Variants in CCS observed in about 807,000 individuals in gnomAD.
The protein encoded by CCS is copper chaperone for superoxide dismutase.
In CCS, 32 loss-of-function variants were observed where a neutral mutation model predicts 35.5. That is an observed-to-expected ratio of 0.90 (90% confidence interval 0.68 to 1.21). The LOEUF (loss-of-function observed/expected upper bound fraction) is 1.21, where lower values mean the gene tolerates loss of function less well. CCS is among the 50% of genes most tolerant of loss of function. The pLI is 0.00. For synonymous variants in CCS, 130 were observed against 147.2 expected (o/e 0.88, Z 0.84); for missense variants, 342 against 375.4 (o/e 0.91, Z 0.73).
At chr11:66,596,123 G>T (rs562381004) in intron 2 of CCS, among the ~76,000 whole-genome samples, 3 of 150,460 alleles carry the variant, frequency 2.0e-5, no homozygotes, top group African/African-American at 7.3e-5. Flanking sequence ...GCTGGAGTGC[G>T]GTGGCACCAT....
In CCS at chr11:66,599,447, AAT is replaced by A; in HGVS notation, c.251-10_251-9del. The A allele has an allele frequency of 6.6e-7, 1 of 1,526,394 alleles. No individual in the cohort carries two copies. The highest frequency in any genetic ancestry group is 1.4e-5 in the African/African-American group (1 of 71,594). The allele number at this position is 1,526,394 out of a possible 1,614,324, so 94.6% of individuals were successfully genotyped here. A position where few individuals can be genotyped will look rare whatever the true frequency, so the allele number is the denominator to read the frequency against. ...AGGTGGCAAGCCAGCCCAAGTGTCTAATACCTTGCAGAGAATCTGGGGGCAGC... is the reference window on the plus strand; with the variant it reads ...AGGTGGCAAGCCAGCCCAAGTGTCTAACCTTGCAGAGAATCTGGGGGCAGC... On this transcript the variant is annotated splice_polypyrimidine_tract_variant and intron_variant, in intron 3 of 7. Transcript: ENST00000533244.
At chr11:66,594,794 AC>A (rs1162839171) in intron 2 of CCS, among the ~76,000 whole-genome samples, 10 of 151,432 alleles carry the variant, frequency 6.6e-5, no homozygotes, top group East Asian at 2.0e-4. Context: ...AAAAAAAAAA[AC>A]AAGTTCACCC....
At chr11:66,595,185 C>CA (rs1358425527) in intron 2 of CCS, among the ~76,000 whole-genome samples, 3 of 151,890 alleles carry the variant, frequency 2.0e-5, no homozygotes, top group Non-Finnish European at 2.9e-5. Flanking sequence ...CGAGTTAATA[C>CA]AAAAAAAGCA....
intron 5 of CCS, among the ~76,000 whole-genome samples, chr11:66,602,976 C>T (rs1348000813): frequency 6.6e-6 from 1 of 152,250 alleles, no homozygotes; most frequent in Non-Finnish European, 1.5e-5. Context: ...CCTAACTGAT[C>T]TCTAAGCTCC....
chr11:66,600,191 G>C (rs1013977818), intron 4 of CCS: 1 of 285,030 alleles, frequency 3.5e-6, no homozygotes, highest in African/African-American at 2.2e-5. Context: ...TACTGCCTCT[G>C]AGATGGAAGG....
chr11:66,596,480 T>G (rs955335918), intron 2 of CCS, among the ~76,000 whole-genome samples: 1 of 151,570 alleles, frequency 6.6e-6, no homozygotes, highest in Admixed American at 6.6e-5. Flanking sequence ...CCCGGGTTCA[T>G]GCCATTCTCC....
rs1858420564 is a variant in CCS, at chr11:66,593,576, G to A, written c.40-66G>A. ...CCCTTGCGGTGGTCATAGGGTAGGT[G>A]GTGAAACAAAGTCATACCAAGGCAC... On this transcript the variant is annotated intron_variant, in intron 1 of 7. Transcript: ENST00000533244. 1.1e-5 allele frequency: 17 copies of A among 1,530,136 alleles called. No individual in the cohort carries two copies. The South Asian group carries it at 1.7e-4, about 16-fold the overall frequency. 94.8% of individuals were successfully genotyped at this position (1,530,136 alleles called of 1,614,324 possible).
chr11:66,598,052 C>T (rs1858508378), intron 2 of CCS, among the ~76,000 whole-genome samples: 1 of 151,846 alleles, frequency 6.6e-6, no homozygotes, highest in Admixed American at 6.6e-5. Flanking sequence ...CCATTACACT[C>T]CAGCCTGGGT....
intron 4 of CCS, 128 bp downstream of exon 4, chr11:66,599,764 G>A: frequency 6.7e-6 from 6 of 900,568 alleles, no homozygotes; most frequent in Non-Finnish European, 8.4e-6. Flanking sequence ...GGCTCACAGA[G>A]GTTAAATGAC....
intron 4 of CCS, 81 bp downstream of exon 4, chr11:66,599,717 C>A (rs1739727958): frequency 3.0e-6 from 4 of 1,323,874 alleles, no homozygotes; most frequent in Admixed American, 2.3e-5. Context: ...CTGTGAGGCA[C>A]ATACACACAG....
chr11:66,604,243 A>ACAAGC (rs1858617577), intron 5 of CCS, among the ~76,000 whole-genome samples: 1 of 152,014 alleles, frequency 6.6e-6, no homozygotes, highest in Non-Finnish European at 1.5e-5. Context: ...ACAAAACAAA[A>ACAAGC]CAAGCAAAAA....
chr11:66,600,525 T>C lies in CCS; in HGVS notation c.465T>C (p.His155=). The change falls in exon 5 of 8, where the codon CAT becomes CAC. Residue 155 remains histidine (H), a synonymous_variant. Transcript: ENST00000533244. The part of the protein sequence containing the change: ...GNHFNPDGAS[H]GGPQDSDRHR... ...ACTTTAACCCTGATGGAGCATCTCA[T>C]GGGGGCCCCCAGGACTCTGACCGGG... The C allele has an allele frequency of 1.1e-5, 17 of 1,534,872 alleles. No individual in the cohort carries two copies. The highest frequency in any genetic ancestry group is 1.4e-5 in the Non-Finnish European group (16 of 1,135,898).
rs376005966 is a variant in CCS, at chr11:66,593,199, C to T, written c.-63C>T. On this transcript the variant is annotated 5_prime_UTR_variant, in exon 1 of 8. Coordinates refer to ENST00000533244, the MANE Select transcript of CCS (RefSeq NM_005125.2). The stretch of plus-strand genomic sequence containing the variant: ...TTTAGAGGCTCAGTCCCCGCGACGC[C>T]GCGCTGGTTGGTGCTCCTGCGCCGG... The T allele has an allele frequency of 8.5e-6, 13 of 1,531,002 alleles. No individual in the cohort carries two copies. The East Asian group carries it at 2.9e-4, about 35-fold the overall frequency. The allele number at this position is 1,531,002 out of a possible 1,614,324, so 94.8% of individuals were successfully genotyped here. A position where few individuals can be genotyped will look rare whatever the true frequency, so the allele number is the denominator to read the frequency against.
At chr11:66,603,243 G>T (rs1237884467) in intron 5 of CCS, among the ~76,000 whole-genome samples, 2 of 152,238 alleles carry the variant, frequency 1.3e-5, no homozygotes, top group African/African-American at 4.8e-5. Flanking sequence ...GCTGGGTCAT[G>T]CCTCCAGCCA....
At chr11:66,595,552 G>C (rs1175691413) in intron 2 of CCS, among the ~76,000 whole-genome samples, 1 of 152,142 alleles carries the variant, frequency 6.6e-6, no homozygotes. Context: ...CACACACAGA[G>C]AAAGAGAGTT....
At position 66,605,336 on chromosome 11, in the gene CCS, C is replaced by T; in HGVS notation, c.490-3C>T. ...CCTATACACACACTGGATCTCATTC[C>T]AGCACCGCGGAGACCTGGGCAATGT... On this transcript the variant is annotated splice_region_variant and splice_polypyrimidine_tract_variant and intron_variant, in intron 5 of 7. Transcript: ENST00000533244. 1 of 1,614,156 alleles carries T rather than the reference C, an allele frequency of 6.2e-7. No homozygotes were observed. The highest frequency in any genetic ancestry group is 1.6e-4 in the Middle Eastern group (1 of 6,062).
At chr11:66,597,083 G>A (rs973751465) in intron 2 of CCS, among the ~76,000 whole-genome samples, 9 of 152,170 alleles carry the variant, frequency 5.9e-5, no homozygotes, top group African/African-American at 2.2e-4. Flanking sequence ...CACAGGATTC[G>A]CTCACCGTCC....
At position 66,602,182 on chromosome 11, in the gene CCS, G is replaced by A. The variant is rs149391564; in HGVS notation, c.489+1633G>A. Among the ~76,000 whole-genome samples, 13 of 152,330 alleles carry A rather than the reference G, an allele frequency of 8.5e-5. No individual in the cohort carries two copies. The East Asian group carries it at 2.3e-3, about 27-fold the overall frequency. On this transcript the variant is annotated intron_variant, in intron 5 of 7. Transcript: ENST00000533244. ...GCAAATCAAATGACTCCAAAGTTAG[G>A]AGTTTAAAACAACAAACATATACTG...
intron 4 of CCS, chr11:66,599,920 A>G: frequency 3.1e-6 from 1 of 325,212 alleles, no homozygotes; most frequent in South Asian, 3.2e-5. Context: ...GTTCAAGACC[A>G]GCCTGGCCAA....
Sources: gnomAD v4.1 joint callset for allele counts (sites outside exome capture counted in the v4.1 genomes callset) on GRCh38, gnomAD v4.1.1 for gene constraint, MANE v1.5 for transcripts, NCBI Gene and HGNC (gene_info 2026-07-23, HGNC 2026-07-21) for gene names.